Variants in NRG3 observed in about 807,000 individuals in gnomAD.
NRG3 encodes pro-neuregulin-3, membrane-bound isoform.
NRG3 carries 31 observed loss-of-function variants against 66.9 expected under a neutral mutation model. That is an observed-to-expected ratio of 0.46 (90% confidence interval 0.35 to 0.63). The LOEUF (loss-of-function observed/expected upper bound fraction) is 0.63, where lower values mean the gene tolerates loss of function less well. Ranked by LOEUF, NRG3 falls within the 20% of genes least tolerant of loss-of-function variation. The pLI is 0.00. For missense variants in NRG3, 910 were observed against 878.9 expected (o/e 1.04, Z -0.45); for synonymous variants, 393 against 359.4 (o/e 1.09, Z -1.06).
chr10:82,207,821 G>C (rs2075198218), intron 1 of NRG3, among the ~76,000 whole-genome samples: 1 of 152,042 alleles, frequency 6.6e-6, no homozygotes, highest in African/African-American at 2.4e-5. Flanking sequence ...GCACAAGAAC[G>C]GCATGGGGAG....
At chr10:82,479,404 T>C (rs949334633) in intron 2 of NRG3, among the ~76,000 whole-genome samples, 12 of 150,700 alleles carry the variant, frequency 8.0e-5, no homozygotes, top group Admixed American at 7.3e-4. Context: ...TCTTGGCACA[T>C]AGTAAAAAAA....
intron 1 of NRG3, among the ~76,000 whole-genome samples, chr10:81,965,050 AT>A: frequency 6.6e-6 from 1 of 152,336 alleles, no homozygotes; most frequent in South Asian, 2.1e-4. Flanking sequence ...ACCAAGCATC[AT>A]TGGGCATTAG....
At chr10:82,642,900 A>G (rs1359080846) in intron 2 of NRG3, among the ~76,000 whole-genome samples, 1 of 151,478 alleles carries the variant, frequency 6.6e-6, no homozygotes, top group East Asian at 1.9e-4. Context: ...ACATACACAT[A>G]TATATATATA....
At chr10:82,803,843 C>T (rs2061159441) in intron 3 of NRG3, among the ~76,000 whole-genome samples, 1 of 152,174 alleles carries the variant, frequency 6.6e-6, no homozygotes, top group South Asian at 2.1e-4. Context: ...GAAGTAGTCC[C>T]TCCTTATCCA....
At chr10:82,492,248 C>T (rs945215491) in intron 2 of NRG3, among the ~76,000 whole-genome samples, 1 of 152,204 alleles carries the variant, frequency 6.6e-6, no homozygotes, top group Admixed American at 6.5e-5. Flanking sequence ...AATAGCATTA[C>T]ATGGTGATCC....
At chr10:82,805,863 G>T (rs1043577650) in intron 3 of NRG3, among the ~76,000 whole-genome samples, 1 of 152,158 alleles carries the variant, frequency 6.6e-6, no homozygotes, top group East Asian at 1.9e-4. Flanking sequence ...GTAAGCAAAT[G>T]TGCACAGGCC....
chr10:82,447,956 G>A (rs552730850), intron 2 of NRG3, among the ~76,000 whole-genome samples: 6 of 152,226 alleles, frequency 3.9e-5, no homozygotes, highest in Middle Eastern at 3.4e-3. Context: ...ATACAGTTCC[G>A]TTACGCCTTT....
At chr10:82,048,895 C>T (rs2133104914) in intron 1 of NRG3, among the ~76,000 whole-genome samples, 2 of 151,808 alleles carry the variant, frequency 1.3e-5, no homozygotes, top group Admixed American at 1.3e-4. Flanking sequence ...CAAATAGATG[C>T]AATAAAAAAT....
chr10:81,974,334 A>G (rs1005229649), intron 1 of NRG3, among the ~76,000 whole-genome samples: 3 of 152,126 alleles, frequency 2.0e-5, no homozygotes, highest in Non-Finnish European at 4.4e-5. Flanking sequence ...AAAAAAAGAC[A>G]TATTACATAC....
chr10:82,961,611 T>C (rs1434076680), intron 6 of NRG3, among the ~76,000 whole-genome samples: 1 of 152,224 alleles, frequency 6.6e-6, no homozygotes, highest in Non-Finnish European at 1.5e-5. Context: ...CTTTGGCTAT[T>C]GCATGCTGGG....
At chr10:82,787,817 C>A (rs2135345161) in intron 3 of NRG3, among the ~76,000 whole-genome samples, 1 of 152,262 alleles carries the variant, frequency 6.6e-6, no homozygotes, top group South Asian at 2.1e-4. Flanking sequence ...TTCCACATCA[C>A]TGGTTGTTTT....
At chr10:81,975,317 CTATCTATCT>C (rs1465564868) in intron 1 of NRG3, among the ~76,000 whole-genome samples, 1 of 7,470 alleles carries the variant, frequency 1.3e-4, no homozygotes, top group East Asian at 2.0e-3. Flanking sequence ...TGTGTAACAT[CTATCTATCT>C]ATCTATCTAT....
intron 2 of NRG3, among the ~76,000 whole-genome samples, chr10:82,395,044 T>G (rs2086630774): frequency 6.6e-6 from 1 of 152,160 alleles, no homozygotes; most frequent in Non-Finnish European, 1.5e-5. Flanking sequence ...TGCAGATAAT[T>G]GGAAGTAGAG....
chr10:82,157,057 T>C lies in NRG3; in HGVS notation c.824-201682T>C, dbSNP rs1430147590. ...ATGGTCATTATGAAGTTGTTCAACA[T>C]TCTTGTGATTTGCTTCAGGGAACAT... On this transcript the variant is annotated intron_variant, in intron 1 of 8. Coordinates refer to ENST00000372141, the MANE Select transcript of NRG3 (RefSeq NM_001010848.4). Among the ~76,000 whole-genome samples the C allele has an allele frequency of 2.0e-5, 3 of 151,706 alleles. No homozygotes were observed. In the East Asian group the frequency reaches 5.8e-4, roughly 29 times the overall value.
chr10:82,907,929 C>T lies in NRG3; in HGVS notation c.1054+42492C>T, dbSNP rs188571080. On this transcript the variant is annotated intron_variant, in intron 4 of 8. Coordinates refer to ENST00000372141, the MANE Select transcript of NRG3 (RefSeq NM_001010848.4). ...TTTGCCTGTCTTGAAAGCTTAGAACCTTAGCCTGACTTATGAAACTTACTA... is the reference window on the plus strand; with the variant it reads ...TTTGCCTGTCTTGAAAGCTTAGAACTTTAGCCTGACTTATGAAACTTACTA... Among the ~76,000 whole-genome samples the T allele has an allele frequency of 4.6e-5, 7 of 152,252 alleles. No homozygotes were observed. The East Asian group carries it at 1.4e-3, about 29-fold the overall frequency.
chr10:82,689,657 G>T (rs1462589113), intron 2 of NRG3, among the ~76,000 whole-genome samples: 1 of 152,150 alleles, frequency 6.6e-6, no homozygotes, highest in Non-Finnish European at 1.5e-5. Flanking sequence ...GATTTTGGAG[G>T]GGGAGAATAC....
At chr10:82,426,034 CG>C (rs1288708634) in intron 2 of NRG3, among the ~76,000 whole-genome samples, 5 of 152,144 alleles carry the variant, frequency 3.3e-5, no homozygotes, top group Admixed American at 6.6e-5. Context: ...TAAGGTAAAA[CG>C]GGTTTTGCTA....
intron 1 of NRG3, among the ~76,000 whole-genome samples, chr10:81,915,189 A>G (rs1309789973): frequency 1.3e-5 from 2 of 152,204 alleles, no homozygotes; most frequent in African/African-American, 4.8e-5. Flanking sequence ...CTCCCTAAAA[A>G]AAGATCTTTT....
intron 1 of NRG3, among the ~76,000 whole-genome samples, chr10:81,913,162 CA>C (rs1417827392): frequency 7.2e-6 from 1 of 139,220 alleles, no homozygotes; most frequent in Non-Finnish European, 1.5e-5. Flanking sequence ...TGAATTTATT[CA>C]ACACTCATTG....
Sources: gnomAD v4.1 joint callset for allele counts (sites outside exome capture counted in the v4.1 genomes callset) on GRCh38, gnomAD v4.1.1 for gene constraint, MANE v1.5 for transcripts, NCBI Gene and HGNC (gene_info 2026-07-23, HGNC 2026-07-21) for gene names.